Variants in CRB1 observed in about 807,000 individuals in gnomAD.
The protein encoded by CRB1 is protein crumbs homolog 1.
In CRB1, 83 loss-of-function variants were observed where a neutral mutation model predicts 120.0. The observed-to-expected ratio is 0.69, with a 90% CI of 0.58 to 0.83. The LOEUF (loss-of-function observed/expected upper bound fraction) is 0.83. Among genes scored for constraint, CRB1 ranks in the 40% least tolerant of loss-of-function variants. The pLI is 0.00. For missense variants in CRB1, 1,699 were observed against 1,687.6 expected (o/e 1.01, Z -0.12); for synonymous variants, 625 against 612.5 (o/e 1.02, Z -0.30).
the CRB1 span, among the ~76,000 whole-genome samples, chr1:197,215,185 T>G: frequency 6.6e-6 from 1 of 151,800 alleles, no homozygotes; most frequent in Admixed American, 6.6e-5. Flanking sequence ...TAATGGCCAT[T>G]GGTATAGTTT....
intron 5 of CRB1, among the ~76,000 whole-genome samples, chr1:197,368,981 T>A (rs929584235): frequency 6.6e-6 from 1 of 152,156 alleles, no homozygotes; most frequent in Non-Finnish European, 1.5e-5. Context: ...GAGAGTAATG[T>A]TTCCTGAGAA....
intron 11 of CRB1, among the ~76,000 whole-genome samples, chr1:197,472,070 C>T (rs940649194): frequency 6.6e-6 from 1 of 152,188 alleles, no homozygotes; most frequent in Admixed American, 6.5e-5. Context: ...CACTAATTCT[C>T]TTAATTGCAC....
At chr1:197,392,085 A>G (rs1376557434) in intron 5 of CRB1, among the ~76,000 whole-genome samples, 1 of 151,948 alleles carries the variant, frequency 6.6e-6, no homozygotes, top group African/African-American at 2.4e-5. Context: ...AATCCTAGGG[A>G]AAAGGGGAAC....
intron 1 of CRB1, among the ~76,000 whole-genome samples, chr1:197,283,202 A>G (rs2125223405): frequency 6.6e-6 from 1 of 152,044 alleles, no homozygotes; most frequent in East Asian, 1.9e-4. Flanking sequence ...CTTGGAAAAA[A>G]CAAAGAAAAA....
At chr1:197,359,443 G>A (rs1027187238) in intron 5 of CRB1, among the ~76,000 whole-genome samples, 4 of 151,680 alleles carry the variant, frequency 2.6e-5, no homozygotes, top group Non-Finnish European at 4.4e-5. Flanking sequence ...AGTAAAATTC[G>A]ATGGTATGTA....
the CRB1 span, among the ~76,000 whole-genome samples, chr1:197,244,535 A>C: frequency 6.6e-6 from 1 of 152,000 alleles, no homozygotes; most frequent in Non-Finnish European, 1.5e-5. Flanking sequence ...CTGTCATGAA[A>C]ACAGATTTTT....
At chr1:197,302,261 T>TCGTTAGCA (rs1656909200) in intron 1 of CRB1, among the ~76,000 whole-genome samples, 2 of 152,196 alleles carry the variant, frequency 1.3e-5, no homozygotes, top group Admixed American at 6.6e-5. Flanking sequence ...GCTGAGATGA[T>TCGTTAGCA]CGTTAGCATT....
intron 11 of CRB1, among the ~76,000 whole-genome samples, chr1:197,467,145 A>G (rs1286689827): frequency 6.6e-6 from 1 of 152,164 alleles, no homozygotes; most frequent in Non-Finnish European, 1.5e-5. Flanking sequence ...GGTTGGAGGA[A>G]CTATTTTCCT....
At chr1:197,468,469 A>G (rs1262461711) in intron 11 of CRB1, among the ~76,000 whole-genome samples, 1 of 152,224 alleles carries the variant, frequency 6.6e-6, no homozygotes. Flanking sequence ...AATGAATTTC[A>G]CCACCAACAA....
At chr1:197,472,312 A>C (rs1420086338) in intron 11 of CRB1, among the ~76,000 whole-genome samples, 1 of 152,178 alleles carries the variant, frequency 6.6e-6, no homozygotes, top group Admixed American at 6.5e-5. Flanking sequence ...GTTTTCCAGG[A>C]GCCAGTTTTT....
chr1:197,272,222 G>C (rs554864016), intron 1 of CRB1, among the ~76,000 whole-genome samples: 123 of 152,222 alleles, frequency 8.1e-4, no homozygotes, highest in African/African-American at 2.8e-3. Flanking sequence ...TCGTTACTGT[G>C]CAAGTTAATA....
At chr1:197,416,660 C>G (rs915671358) in intron 5 of CRB1, among the ~76,000 whole-genome samples, 3 of 152,034 alleles carry the variant, frequency 2.0e-5, no homozygotes, top group Non-Finnish European at 4.4e-5. Flanking sequence ...ATACAGATAA[C>G]AGACTTTAGG....
At chr1:197,368,049 T>A (rs182567791) in intron 5 of CRB1, among the ~76,000 whole-genome samples, 24 of 152,240 alleles carry the variant, frequency 1.6e-4, no homozygotes, top group Non-Finnish European at 2.6e-4. Context: ...CCAACTAAAA[T>A]AGCCATAGAG....
chr1:197,434,666 T>C, intron 8 of CRB1, 40 bp from the exon 9 acceptor site: 1 of 1,551,894 alleles, frequency 6.4e-7, no homozygotes, highest in Non-Finnish European at 8.9e-7. Context: ...AAACTATAGA[T>C]TTAATAAAGT....
At chr1:197,398,969 T>C (rs1662921969) in intron 5 of CRB1, among the ~76,000 whole-genome samples, 3 of 151,980 alleles carry the variant, frequency 2.0e-5, no homozygotes, top group Admixed American at 2.0e-4. Flanking sequence ...TGTGACTATA[T>C]ATATGTATAA....
chr1:197,441,614 T>C (rs1190974021), intron 10 of CRB1: 1 of 148,476 alleles, frequency 6.7e-6, no homozygotes, highest in Non-Finnish European at 1.5e-5. Flanking sequence ...TCAAAATCTC[T>C]CAGAATAAAC....
rs181473231 is a variant in CRB1, at chr1:197,278,243, G to A, written c.70+9761G>A. On this transcript the variant is annotated intron_variant, in intron 1 of 11. Transcript: ENST00000367400. ...GTGCCCTTGTAAAAGAGACCTCCAA[G>A]AAATTCCTTACTCCTTCCACCATGT... Among the ~76,000 whole-genome samples, 20 of 152,010 alleles carry A rather than the reference G, an allele frequency of 1.3e-4. No homozygotes were observed. The East Asian group carries it at 3.9e-3, about 30-fold the overall frequency.
chr1:197,211,198 G>A, the CRB1 span, among the ~76,000 whole-genome samples: 1 of 151,978 alleles, frequency 6.6e-6, no homozygotes, highest in Non-Finnish European at 1.5e-5. Context: ...CTAACAACAC[G>A]TTAAAACCGT....
the CRB1 span, among the ~76,000 whole-genome samples, chr1:197,248,103 T>C: frequency 6.6e-6 from 1 of 152,008 alleles, no homozygotes; most frequent in Non-Finnish European, 1.5e-5. Context: ...ATTCCAATTA[T>C]AAGTGTGTAT....
Sources: gnomAD v4.1 joint callset for allele counts (sites outside exome capture counted in the v4.1 genomes callset) on GRCh38, gnomAD v4.1.1 for gene constraint, MANE v1.5 for transcripts, NCBI Gene and HGNC (gene_info 2026-07-23, HGNC 2026-07-21) for gene names.